Variants in EVL observed in about 807,000 individuals in gnomAD.
EVL encodes Enah/Vasp-like, also known as ena/VASP-like protein.
Under a neutral mutation model 59.6 loss-of-function variants are expected in EVL, and 21 were observed. The ratio of observed to expected loss-of-function variants is 0.35; its 90% CI spans 0.25 to 0.51. The LOEUF is 0.51. Ranked by LOEUF, EVL falls within the 20% of genes least tolerant of loss-of-function variation. The pLI is 0.97. For missense variants in EVL, 462 were observed against 546.6 expected (o/e 0.85, Z 1.54); for synonymous variants, 198 against 203.5 (o/e 0.97, Z 0.23).
At chr14:100,143,304 G>C (rs894841758) in intron 13 of EVL, among the ~76,000 whole-genome samples, 1 of 152,012 alleles carries the variant, frequency 6.6e-6, no homozygotes. Flanking sequence ...ACTATGTTGG[G>C]GGAAGGGCTC....
chr14:100,098,277 C>T lies in EVL; in HGVS notation c.358+619C>T, dbSNP rs76707945. Among the ~76,000 whole-genome samples, 945 of 152,198 alleles carry T rather than the reference C, an allele frequency of 6.2e-3. 9 individuals are homozygous for T. Among genetic ancestry groups the T allele is most frequent in the South Asian group, 0.015 (74 of 4,822 alleles). ...AGGGAGACCTCCACAGTGGTGGTGC[C>T]GTCTGAGCCGGAGTTCTGGGTGAGC... On this transcript the variant is annotated intron_variant, in intron 3 of 13. Transcript: ENST00000392920.
At chr14:100,064,903 ACT>A (rs1467096146), upstream of EVL, among the ~76,000 whole-genome samples, 4 of 151,858 alleles carry the variant, frequency 2.6e-5, no homozygotes, top group East Asian at 7.7e-4. Context: ...GGAGTGTGAA[ACT>A]CTGTCTCAAA....
At chr14:99,990,927 C>T (rs1204883832) in intron 1 of EVL, among the ~76,000 whole-genome samples, 1 of 152,004 alleles carries the variant, frequency 6.6e-6, no homozygotes, top group Non-Finnish European at 1.5e-5. Context: ...TGTGTGTACC[C>T]AATTGTATAT....
In EVL at chr14:100,141,742, C is replaced by T. The variant is rs201278924; in HGVS notation, c.1168C>T (p.Leu390=). The change falls in exon 13 of 14, where the codon CTA becomes TTA. Residue 390 remains leucine (L), a synonymous_variant. Transcript: ENST00000392920. ...GACACTCCTCTCCCAACAGGAGATC[C>T]TAGAGGAGGTGGTGAGAGAGCTCCA... ...FDLDRMKQEI[L]EEVVRELHKV... is the part of the protein sequence containing the mutation. The T allele has an allele frequency of 5.0e-5, 81 of 1,613,286 alleles. 1 individual carries two copies. Among genetic ancestry groups the T allele is most frequent in the Middle Eastern group, 1.7e-4 (1 of 6,056 alleles).
Position 100,028,974 on chromosome 14 carries a change from A to G in EVL, c.6-55713A>G, listed in dbSNP as rs139422659. Among the ~76,000 whole-genome samples the G allele has an allele frequency of 1.3e-4, 20 of 152,350 alleles. No homozygotes were observed. In the East Asian group the frequency reaches 3.9e-3, roughly 29 times the overall value. Reference sequence around the variant, plus strand: ...TTTCTCTAGGCCTTAGTTACCTCACATATAGCAAAAGGACTATTTTGAGGA... The same window carrying G: ...TTTCTCTAGGCCTTAGTTACCTCACGTATAGCAAAAGGACTATTTTGAGGA... On this transcript the variant is annotated intron_variant, in intron 1 of 13. Transcript: ENST00000402714.
At chr14:100,067,142 C>G (rs560216773) in intron 1 of EVL, among the ~76,000 whole-genome samples, 1 of 152,292 alleles carries the variant, frequency 6.6e-6, no homozygotes, top group African/African-American at 2.4e-5. Flanking sequence ...TTGCACTCTG[C>G]CACAGGTCCC....
chr14:100,046,756 T>TC (rs1373957720), intron 1 of EVL, among the ~76,000 whole-genome samples: 8 of 146,746 alleles, frequency 5.5e-5, no homozygotes, highest in South Asian at 2.1e-4. Context: ...TTTCTTTCTT[T>TC]TTTTTTTTTT....
chr14:100,057,416 T>G (rs1296717099), intron 1 of EVL, among the ~76,000 whole-genome samples: 1 of 151,918 alleles, frequency 6.6e-6, no homozygotes, highest in Non-Finnish European at 1.5e-5. Flanking sequence ...CCATTCACAC[T>G]TTCTTTCCAG....
chr14:100,082,174 C>G (rs1004614852), intron 1 of EVL, among the ~76,000 whole-genome samples: 1 of 151,650 alleles, frequency 6.6e-6, no homozygotes, highest in East Asian at 1.9e-4. Flanking sequence ...CCCTGTCCCC[C>G]CCTCCCCCGC....
At chr14:100,099,136 A>C (rs1886016393) in intron 3 of EVL, among the ~76,000 whole-genome samples, 1 of 144,434 alleles carries the variant, frequency 6.9e-6, no homozygotes. Flanking sequence ...TGAGGTCCGG[A>C]GTTCAAGACC....
intron 6 of EVL, among the ~76,000 whole-genome samples, chr14:100,129,259 T>TTCTCC (rs1396723878): frequency 6.6e-6 from 1 of 152,216 alleles, no homozygotes; most frequent in Non-Finnish European, 1.5e-5. Flanking sequence ...GGATAGTCTC[T>TTCTCC]TCTCCCCTCC....
intron 1 of EVL, among the ~76,000 whole-genome samples, chr14:100,024,167 A>G (rs983546912): frequency 3.3e-5 from 5 of 152,242 alleles, no homozygotes; most frequent in Admixed American, 1.3e-4. Flanking sequence ...CAAAAACATC[A>G]TGGAAGGGTT....
At position 100,075,811 on chromosome 14, in the gene EVL, A is replaced by T. The variant is rs142880450; in HGVS notation, c.12-8876A>T. The stretch of plus-strand genomic sequence containing the variant: ...ACCCAGCATGGTACTGGTCACCCTC[A>T]TGTCTTGCCTGTTAATCACCATAGA... On this transcript the variant is annotated intron_variant, in intron 1 of 13. Coordinates refer to ENST00000392920, the MANE Select transcript of EVL (RefSeq NM_016337.3). Among the ~76,000 whole-genome samples the T allele has an allele frequency of 8.6e-4, 131 of 152,354 alleles. No homozygotes were observed. The Middle Eastern group carries it at 0.01, about 12-fold the overall frequency.
chr14:100,084,587 C>G, intron 1 of EVL, 100 bp from the exon 2 acceptor site: 1 of 1,304,908 alleles, frequency 7.7e-7, no homozygotes, highest in East Asian at 2.4e-5. Flanking sequence ...TGGAAAGTTT[C>G]TTTATGTCAA....
intron 1 of EVL, among the ~76,000 whole-genome samples, chr14:100,047,826 T>A (rs1232231570): frequency 2.6e-5 from 4 of 152,144 alleles, no homozygotes; most frequent in Non-Finnish European, 4.4e-5. Flanking sequence ...CCGACAAAAA[T>A]GCCAAGTGAT....
At chr14:99,995,587 T>C (rs545616304) in intron 1 of EVL, among the ~76,000 whole-genome samples, 30 of 152,352 alleles carry the variant, frequency 2.0e-4, no homozygotes, top group African/African-American at 4.1e-4. Flanking sequence ...TTCATATAAA[T>C]CTATTTAGGG....
intron 1 of EVL, among the ~76,000 whole-genome samples, chr14:100,015,713 G>A (rs928595587): frequency 6.6e-6 from 1 of 152,172 alleles, no homozygotes; most frequent in African/African-American, 2.4e-5. Context: ...TTCTTCAGCT[G>A]GAACTATTCT....
chr14:100,137,681 G>A (rs1224169317), intron 10 of EVL, 37 bp downstream of exon 10: 1 of 1,614,094 alleles, frequency 6.2e-7, no homozygotes, highest in Admixed American at 1.7e-5. Flanking sequence ...AGCGAGGCTG[G>A]TGGGGCAGAG....
intron 3 of EVL, among the ~76,000 whole-genome samples, chr14:100,105,708 C>T (rs1886518860): frequency 1.3e-5 from 2 of 151,918 alleles, no homozygotes; most frequent in African/African-American, 4.8e-5. Flanking sequence ...ATGTCTGTCT[C>T]GCAGCATGAG....
Sources: gnomAD v4.1 joint callset for allele counts (sites outside exome capture counted in the v4.1 genomes callset) on GRCh38, gnomAD v4.1.1 for gene constraint, MANE v1.5 for transcripts, NCBI Gene and HGNC (gene_info 2026-07-23, HGNC 2026-07-21) for gene names.